RSKR: variants seen among roughly 807,000 people sequenced by gnomAD.
The protein encoded by RSKR is ribosomal protein S6 kinase related, also known as ribosomal protein S6 kinase-related protein.
Under a neutral mutation model 56.8 loss-of-function variants are expected in RSKR, and 44 were observed. The ratio of observed to expected loss-of-function variants is 0.77; its 90% CI spans 0.61 to 1.00. The LOEUF is 1.00. RSKR is among the 50% of genes least tolerant of loss of function. The pLI is 0.00. For missense variants in RSKR, 510 were observed against 506.9 expected, an observed-to-expected ratio of 1.01 and a Z score of -0.06; for synonymous variants, 181 against 188.0, an observed-to-expected ratio of 0.96 and a Z score of 0.30.
intron 1 of RSKR, 101 bp from the exon 2 acceptor site, chr17:28,613,789 A>T: frequency 6.6e-7 from 1 of 1,508,646 alleles, no homozygotes; most frequent in Non-Finnish European, 8.9e-7. Flanking sequence ...CAACCCCTAG[A>T]GGTACATTTT....
chr17:28,610,297 G>A lies in RSKR; in HGVS notation c.*181C>T. ...GGTTGTATGATAGGGAAGGAATAGG[G>A]CCAGCTGTGGCTGCCAGTAGCAGAA... On this transcript the variant is annotated 3_prime_UTR_variant, in exon 12 of 12. Coordinates refer to ENST00000301037, the MANE Select transcript of RSKR (RefSeq NM_001174103.2). 1 of 608,608 alleles carries A rather than the reference G, an allele frequency of 1.6e-6. No individual in the cohort carries two copies. Among genetic ancestry groups the A allele is most frequent in the Non-Finnish European group, 2.9e-6 (1 of 346,298 alleles). The allele number at this position is 608,608 out of a possible 1,614,324, so 37.7% of individuals were successfully genotyped here. A position where few individuals can be genotyped will look rare whatever the true frequency, so the allele number is the denominator to read the frequency against.
At chr17:28,610,868 G>T (rs2070802514) in intron 11 of RSKR, 169 bp from the exon 12 acceptor site, 2 of 737,754 alleles carry the variant, frequency 2.7e-6, no homozygotes, top group African/African-American at 1.8e-5. Context: ...TTGGGGCAAA[G>T]GTGGGAATAA....
chr17:28,613,365 A>C lies in RSKR; in HGVS notation c.325-20T>G, dbSNP rs1249428843. 1 of 1,614,222 alleles carries C rather than the reference A, an allele frequency of 6.2e-7. No homozygotes were observed. Among genetic ancestry groups the C allele is most frequent in the Admixed American group, 1.7e-5 (1 of 60,026 alleles). On this transcript the variant is annotated intron_variant, in intron 2 of 11. Transcript: ENST00000301037. The stretch of plus-strand genomic sequence containing the variant: ...TAAAATCTGTACAGAGGAATGGAGA[A>C]CAGGCCAGTTGAGACTGGTCATTTT...
chr17:28,610,550 T>C lies in RSKR; in HGVS notation c.1161A>G (p.Ser387=). Residue 387 remains serine (S), a synonymous_variant, in exon 12 of 12, where the codon TCA becomes TCG. Coordinates refer to ENST00000301037, the MANE Select transcript of RSKR (RefSeq NM_001174103.2). ...VTETQATQPS[S]AETMPFDDFD... ...AGTCGTCAAAGGGCATGGTCTCCGC[T>C]GAACTGGGCTGGGTAGCTTGTGTCT... 2.6e-6 allele frequency: 4 copies of C among 1,536,094 alleles called. No individual in the cohort carries two copies. The highest frequency in any genetic ancestry group is 3.5e-6 in the Non-Finnish European group (4 of 1,146,912).
chr17:28,613,885 A>G (rs1165070872), intron 1 of RSKR, 197 bp from the exon 2 acceptor site: 2 of 999,252 alleles, frequency 2.0e-6, no homozygotes, highest in African/African-American at 1.6e-5. Flanking sequence ...TAGGAAAATA[A>G]TTGTTGGACA....
rs1247062765 is a variant in RSKR, at chr17:28,610,542, G to C, written c.1169C>G (p.Thr390Ser). 6.5e-7 allele frequency: 1 copy of C among 1,536,072 alleles called. No individual in the cohort carries two copies. Among genetic ancestry groups the C allele is most frequent in the Admixed American group, 2.0e-5 (1 of 50,976 alleles). Residue 390 changes from threonine to serine, a missense_variant, in exon 12 of 12, where the codon ACC becomes AGC. Coordinates refer to ENST00000301037, the MANE Select transcript of RSKR (RefSeq NM_001174103.2). ...TQATQPSSAETMPFDDFDCDL... is the reference protein window; with the variant it reads ...TQATQPSSAESMPFDDFDCDL... Reference sequence around the variant, plus strand: ...ACAGTCAAAGTCGTCAAAGGGCATGGTCTCCGCTGAACTGGGCTGGGTAGC... The same window carrying C: ...ACAGTCAAAGTCGTCAAAGGGCATGCTCTCCGCTGAACTGGGCTGGGTAGC...
intron 5 of RSKR, 27 bp downstream of exon 5, chr17:28,612,591 G>A (rs1484587409): frequency 6.2e-7 from 1 of 1,610,338 alleles, no homozygotes. Flanking sequence ...AGACCCTGGG[G>A]GATGAGGAGA....
Position 28,610,208 on chromosome 17 carries a change from C to A in RSKR, c.*270G>T. ...TGGCTGACAGCCTGAGGGTAAAGAG[C>A]ACTGGAGAAGTAAAGAAAAGGAAAA... On this transcript the variant is annotated 3_prime_UTR_variant, in exon 12 of 12. Coordinates refer to ENST00000301037, the MANE Select transcript of RSKR (RefSeq NM_001174103.2). The A allele has an allele frequency of 2.3e-6, 1 of 428,288 alleles. No homozygotes were observed. Among genetic ancestry groups the A allele is most frequent in the Non-Finnish European group, 4.3e-6 (1 of 234,870 alleles). The allele number at this position is 428,288 out of a possible 1,614,324, so 26.5% of individuals were successfully genotyped here.
intron 6 of RSKR, 39 bp downstream of exon 6, chr17:28,612,223 A>G (rs750521206): frequency 6.2e-7 from 1 of 1,607,562 alleles, no homozygotes; most frequent in Admixed American, 1.7e-5. Context: ...CCGAACTTAA[A>G]TCTTCCCTCC....
chr17:28,613,716 T>C, intron 1 of RSKR, 28 bp from the exon 2 acceptor site: 1 of 1,611,886 alleles, frequency 6.2e-7, no homozygotes, highest in Non-Finnish European at 8.5e-7. Flanking sequence ...CACTCTAAAC[T>C]TTCTGCTCCT....
chr17:28,610,499 C>G lies in RSKR; in HGVS notation c.1212G>C (p.Leu404Phe). The G allele has an allele frequency of 1.3e-6, 2 of 1,536,002 alleles. No individual in the cohort carries two copies. The highest frequency in any genetic ancestry group is 1.4e-5 in the African/African-American group (1 of 73,116). ...AGGCTCAAGCAGGGATAGGGTAGAGCAAGAAGGACTCCAGATCACAGTCAA... is the reference window on the plus strand; with the variant it reads ...AGGCTCAAGCAGGGATAGGGTAGAGGAAGAAGGACTCCAGATCACAGTCAA... The part of the protein sequence containing the change: ...DDFDCDLESF[L>F]LYPIPA Residue 404 changes from leucine (L) to phenylalanine (F), a missense_variant, in exon 12 of 12, where the codon TTG becomes TTC. By Grantham distance (22) the Leu-to-Phe change is conservative (BLOSUM62 0). Transcript: ENST00000301037.
At chr17:28,612,471 T>C (rs1441277067) in intron 5 of RSKR, 105 bp from the exon 6 acceptor site, 1 of 1,376,820 alleles carries the variant, frequency 7.3e-7, no homozygotes, top group Non-Finnish European at 1.0e-6. Flanking sequence ...CCCAAACTGA[T>C]ACCACCTGCT....
chr17:28,612,152 T>A, intron 6 of RSKR, 68 bp from the exon 7 acceptor site: 1 of 1,591,144 alleles, frequency 6.3e-7, no homozygotes, highest in Non-Finnish European at 8.6e-7. Flanking sequence ...GTAGCCCTCA[T>A]CCCATCCCTA....
At position 28,611,633 on chromosome 17, in the gene RSKR, C is replaced by G. The variant is rs34026109; in HGVS notation, c.745G>C (p.Gly249Arg). 3 of 1,580,666 alleles carry G rather than the reference C, an allele frequency of 1.9e-6. No homozygotes were observed. Among genetic ancestry groups the G allele is most frequent in the East Asian group, 4.5e-5 (2 of 44,810 alleles). Residue 249 changes from glycine to arginine, a missense_variant, in exon 9 of 12, where the codon GGT becomes CGT. Coordinates refer to ENST00000301037, the MANE Select transcript of RSKR (RefSeq NM_001174103.2). ...CCCTGGGGCACGTGGCGGGACAGAC[C>G]AAAGTCTGTCAGTTTCAGATGGCCT... ...ERGHLKLTDF[G>R]LSRHVPQGAQ...
intron 7 of RSKR, 87 bp downstream of exon 7, chr17:28,611,957 G>A: frequency 6.2e-7 from 1 of 1,613,844 alleles, no homozygotes; most frequent in Non-Finnish European, 8.5e-7. Flanking sequence ...AATGTCTACA[G>A]TTCTCAGCTC....
At chr17:28,613,849 A>G in intron 1 of RSKR, 161 bp from the exon 2 acceptor site, 1 of 1,139,172 alleles carries the variant, frequency 8.8e-7, no homozygotes, top group Non-Finnish European at 1.2e-6. Context: ...TAAGCCCCAG[A>G]TTTCCTGGGC....
chr17:28,613,945 G>T, intron 1 of RSKR, 142 bp downstream of exon 1: 2 of 1,131,042 alleles, frequency 1.8e-6, no homozygotes, highest in Non-Finnish European at 2.5e-6. Context: ...GTATTGGGCT[G>T]TGATGCTTTC....
Position 28,612,454 on chromosome 17 carries a change from C to A in RSKR, c.548-88G>T, listed in dbSNP as rs1052006929. 7.8e-5 allele frequency: 113 copies of A among 1,440,664 alleles called. 2 individuals carry two copies. In the South Asian group the frequency reaches 1.3e-3, roughly 16 times the overall value. 89.2% of individuals were successfully genotyped at this position (1,440,664 alleles called of 1,614,324 possible). On this transcript the variant is annotated intron_variant, in intron 5 of 11. Transcript: ENST00000301037. ...ATGCCTGGGCTCAAGGCATTGTAGG[C>A]CTCCTGCCCAAACTGATACCACCTG... is the stretch of plus-strand genomic sequence containing the variant.
At chr17:28,613,999 T>C in intron 1 of RSKR, 88 bp downstream of exon 1, 2 of 1,534,266 alleles carry the variant, frequency 1.3e-6, no homozygotes, top group East Asian at 4.5e-5. Context: ...GGTAATCACT[T>C]CCATGCTCCT....
Sources: gnomAD v4.1 joint callset for allele counts on GRCh38, gnomAD v4.1.1 for gene constraint, MANE v1.5 for transcripts, NCBI Gene and HGNC (gene_info 2026-07-23, HGNC 2026-07-21) for gene names.